DDAH1: variants seen among roughly 807,000 people sequenced by gnomAD.
The protein encoded by DDAH1 is dimethylarginine dimethylaminohydrolase 1.
DDAH1 carries 19 observed loss-of-function variants against 28.8 expected under a neutral mutation model. That is an observed-to-expected ratio of 0.66 (90% CI 0.46 to 0.97). The LOEUF is 0.97. Among genes scored for constraint, DDAH1 ranks in the 50% least tolerant of loss-of-function variants. The probability of loss-of-function intolerance (pLI) is 0.00; values close to 1 mark genes in which losing one functional copy is unlikely to be tolerated. For missense variants in DDAH1, 326 were observed against 375.9 expected, an observed-to-expected ratio of 0.87 and a Z score of 1.10; for synonymous variants, 153 against 154.4, an observed-to-expected ratio of 0.99 and a Z score of 0.07.
intron 4 of DDAH1, among the ~76,000 whole-genome samples, chr1:85,337,729 C>T (rs115189526): frequency 0.017 from 2,605 of 152,256 alleles, 68 homozygotes; most frequent in East Asian, 0.12. Flanking sequence ...TGGCATGAGC[C>T]ACCACACCCG....
At chr1:85,413,674 C>T (rs1652757765) in intron 1 of DDAH1, among the ~76,000 whole-genome samples, 1 of 152,194 alleles carries the variant, frequency 6.6e-6, no homozygotes. Flanking sequence ...CTGCTTTATT[C>T]TTCCAGCATC....
intron 2 of DDAH1, among the ~76,000 whole-genome samples, chr1:85,476,558 G>C (rs1272595275): frequency 6.6e-6 from 1 of 152,082 alleles, no homozygotes; most frequent in Non-Finnish European, 1.5e-5. Context: ...TCACAGAATA[G>C]TGGTCCCAGA....
At chr1:85,498,270 C>T (rs1304389272) in intron 1 of DDAH1, among the ~76,000 whole-genome samples, 1 of 152,166 alleles carries the variant, frequency 6.6e-6, no homozygotes, top group South Asian at 2.1e-4. Context: ...CTGTAAAGGA[C>T]TTCACATACG....
At chr1:85,461,105 C>T (rs1263056317) in intron 1 of DDAH1, among the ~76,000 whole-genome samples, 3 of 152,006 alleles carry the variant, frequency 2.0e-5, no homozygotes, top group Non-Finnish European at 4.4e-5. Context: ...CAGAGTGAGA[C>T]CCTGTCTCTA....
chr1:85,569,732 C>T (rs534006780), intron 1 of DDAH1, among the ~76,000 whole-genome samples: 2 of 152,328 alleles, frequency 1.3e-5, no homozygotes, highest in Non-Finnish European at 2.9e-5. Context: ...AGGACTTCTC[C>T]TCTATTCAAA....
rs1228015493 is a variant in DDAH1 at position 85,532,576 on chromosome 1, C to T, written c.-122-36295G>A. On this transcript the variant is annotated intron_variant, in intron 1 of 6. Coordinates refer to the DDAH1 transcript ENST00000426972. The stretch of plus-strand genomic sequence containing the variant: ...CCTAGATTATCTTATTTCACAACAA[C>T]TTATGAGTTGGATGCTGTTGTTACT... Among the ~76,000 whole-genome samples the T allele has an allele frequency of 2.6e-5, 4 of 151,948 alleles. No homozygotes were observed. The East Asian group carries it at 7.7e-4, about 29-fold the overall frequency.
chr1:85,556,047 G>A (rs970924077), intron 1 of DDAH1, among the ~76,000 whole-genome samples: 1 of 151,756 alleles, frequency 6.6e-6, no homozygotes, highest in African/African-American at 2.4e-5. Context: ...AACAGGCTGG[G>A]GAGTGCGGCC....
chr1:85,543,719 G>T (rs1389604452), intron 1 of DDAH1, among the ~76,000 whole-genome samples: 5 of 152,148 alleles, frequency 3.3e-5, no homozygotes, highest in African/African-American at 1.2e-4. Flanking sequence ...AATTTGATGG[G>T]TTTTATCCAT....
Position 85,428,271 on chromosome 1 carries a change from G to C in DDAH1, c.303+36472C>G, listed in dbSNP as rs151138612. Among the ~76,000 whole-genome samples, 1,267 of 152,278 alleles carry C rather than the reference G, an allele frequency of 8.3e-3. 18 individuals carry two copies. Among genetic ancestry groups the C allele is most frequent in the African/African-American group, 0.03 (1,229 of 41,554 alleles). On this transcript the variant is annotated intron_variant, in intron 1 of 5. Coordinates refer to ENST00000284031, the MANE Select transcript of DDAH1 (RefSeq NM_012137.4). ...ACTTGAGACTGGGTAATTTACAAAG[G>C]AAAGAGGTTTAATGGACTCACAGTT...
intron 1 of DDAH1, among the ~76,000 whole-genome samples, chr1:85,425,893 C>A (rs1045765073): frequency 3.9e-5 from 6 of 152,154 alleles, no homozygotes; most frequent in African/African-American, 9.7e-5. Context: ...AAAACAGATT[C>A]ATTCACTAAA....
At chr1:85,404,503 G>T in intron 1 of DDAH1, 1 of 1,470,424 alleles carries the variant, frequency 6.8e-7, no homozygotes, top group Admixed American at 2.3e-5. Flanking sequence ...GTCTGACCCG[G>T]ATTGAGCCAT....
At position 85,526,057 on chromosome 1, in the gene DDAH1, T is replaced by A. The variant is rs1279950501; in HGVS notation, c.-122-29776A>T. Among the ~76,000 whole-genome samples the A allele has an allele frequency of 3.9e-4, 59 of 152,274 alleles. 1 individual carries two copies. Among genetic ancestry groups the A allele is most frequent in the Non-Finnish European group, 7.3e-4 (50 of 68,030 alleles). On this transcript the variant is annotated intron_variant, in intron 1 of 6. Transcript: ENST00000426972. Reference sequence around the variant, plus strand: ...GGCCATGTGAAAATTCTGCCACAGATTTTGAAGTCAGAAGGCTGTCTGGTT... The same window carrying A: ...GGCCATGTGAAAATTCTGCCACAGAATTTGAAGTCAGAAGGCTGTCTGGTT...
chr1:85,407,983 T>C (rs1383766581), intron 1 of DDAH1, among the ~76,000 whole-genome samples: 1 of 152,218 alleles, frequency 6.6e-6, no homozygotes, highest in African/African-American at 2.4e-5. Flanking sequence ...GAATTTTAAA[T>C]TGTTGGCTTG....
chr1:85,494,176 T>C (rs1403753246), intron 2 of DDAH1: 1 of 152,172 alleles, frequency 6.6e-6, no homozygotes, highest in African/African-American at 2.4e-5. Flanking sequence ...ATAATTCAGA[T>C]TTGCCCTTCC....
At chr1:85,565,585 G>T (rs995223699) in intron 1 of DDAH1, among the ~76,000 whole-genome samples, 18 of 151,844 alleles carry the variant, frequency 1.2e-4, no homozygotes, top group Non-Finnish European at 2.2e-4. Flanking sequence ...TTGAAAAAAA[G>T]AAAATAAAAA....
intron 1 of DDAH1, among the ~76,000 whole-genome samples, chr1:85,393,979 T>C (rs1651685242): frequency 6.6e-6 from 1 of 152,214 alleles, no homozygotes; most frequent in African/African-American, 2.4e-5. Context: ...TATGTCTACA[T>C]GTGTTATATG....
intron 1 of DDAH1, among the ~76,000 whole-genome samples, chr1:85,530,646 C>T (rs1171796834): frequency 1.3e-5 from 2 of 151,306 alleles, no homozygotes; most frequent in Non-Finnish European, 2.9e-5. Flanking sequence ...GAAAAGGACT[C>T]ATTTGGGAAA....
At chr1:85,463,918 C>T (rs1365524707) in intron 1 of DDAH1, among the ~76,000 whole-genome samples, 5 of 152,170 alleles carry the variant, frequency 3.3e-5, no homozygotes, top group African/African-American at 4.8e-5. Flanking sequence ...ACCTACATTG[C>T]ACTTAAAGCA....
At position 85,324,860 on chromosome 1, in the gene DDAH1, G is replaced by A. The variant is rs201084257; in HGVS notation, c.621C>T (p.His207=). The A allele has an allele frequency of 5.0e-5, 81 of 1,614,100 alleles. No individual in the cohort carries two copies. The African/African-American group carries it at 9.6e-4, about 19-fold the overall frequency. The change falls in exon 5 of 6, where the codon CAC becomes CAT. Residue 207 remains histidine (H), a synonymous_variant. Coordinates refer to ENST00000284031, the MANE Select transcript of DDAH1 (RefSeq NM_012137.4). ...ALKIMQQMSD[H]RYDKLTVPDD... is the part of the protein sequence containing the mutation. The stretch of plus-strand genomic sequence containing the variant: ...CAGGCACAGTGAGTTTGTCGTAGCG[G>A]TGGTCACTCATCTGTTGCATGATCT...
Sources: gnomAD v4.1 joint callset for allele counts (sites outside exome capture counted in the v4.1 genomes callset) on GRCh38, gnomAD v4.1.1 for gene constraint, MANE v1.5 for transcripts, NCBI Gene and HGNC (gene_info 2026-07-23, HGNC 2026-07-21) for gene names.